ARSJ: variants seen among roughly 807,000 people sequenced by gnomAD.
ARSJ encodes arylsulfatase J.
Under a neutral mutation model 35.9 loss-of-function variants are expected in ARSJ, and 26 were observed. The observed-to-expected ratio is 0.72, with a 90% CI of 0.53 to 1.00. The LOEUF (loss-of-function observed/expected upper bound fraction) is 1.00, where lower values mean the gene tolerates loss of function less well. Ranked by LOEUF, ARSJ falls within the 50% of genes least tolerant of loss-of-function variation. ARSJ has a pLI of 0.00. For missense variants in ARSJ, 667 were observed against 723.6 expected, an observed-to-expected ratio of 0.92 and a Z score of 0.90; for synonymous variants, 294 against 267.6, an observed-to-expected ratio of 1.10 and a Z score of -0.96.
chr4:113,903,622 T>C lies in ARSJ; in HGVS notation c.452A>G (p.Asn151Ser), dbSNP rs1163389900. 2.5e-6 allele frequency: 4 copies of C among 1,614,110 alleles called. No homozygotes were observed. Among genetic ancestry groups the C allele is most frequent in the Middle Eastern group, 1.6e-4 (1 of 6,062 alleles). ...QHSIIRPTQP[N>S]CLPLDNATLP... The stretch of plus-strand genomic sequence containing the variant: ...GGTGGCATTGTCCAGAGGTAAACAG[T>C]TGGGTTGGGTAGGTCTTATGATAGA... Residue 151 changes from asparagine (N) to serine (S), a missense_variant, in exon 2 of 2, where the codon AAC becomes AGC. By Grantham distance (46) the Asn-to-Ser change is conservative. Coordinates refer to ENST00000315366, the MANE Select transcript of ARSJ (RefSeq NM_024590.4).
intron 1 of ARSJ, among the ~76,000 whole-genome samples, chr4:113,935,619 GAAATAAAGTTATCACTT>G (rs1724720244): frequency 6.6e-6 from 1 of 151,864 alleles, no homozygotes; most frequent in African/African-American, 2.4e-5. Flanking sequence ...CATGCATTCT[GAAATAAAGTTATCACTT>G]AAAAGGTCAT....
rs1594429497 is a variant in ARSJ at position 113,928,346 on chromosome 4, T to C, written c.399-24671A>G. Reference sequence around the variant, plus strand: ...GGTCCTTCCTCAAGAGGAACTGGCTTCCCCTTCATTCAAGGGGTTTGGGGT... The same window carrying C: ...GGTCCTTCCTCAAGAGGAACTGGCTCCCCCTTCATTCAAGGGGTTTGGGGT... On this transcript the variant is annotated intron_variant, in intron 1 of 1. Coordinates refer to ENST00000315366, the MANE Select transcript of ARSJ (RefSeq NM_024590.4). 3.3e-5 allele frequency among the ~76,000 whole-genome samples: 5 copies of C among 152,204 alleles called. No individual in the cohort carries two copies. The East Asian group carries it at 5.8e-4, about 18-fold the overall frequency.
chr4:113,945,193 A>T (rs184899917), intron 1 of ARSJ, among the ~76,000 whole-genome samples: 6 of 152,056 alleles, frequency 3.9e-5, no homozygotes, highest in Non-Finnish European at 7.4e-5. Flanking sequence ...CCCAGGCTGG[A>T]GTGCAATGGT....
intron 1 of ARSJ, among the ~76,000 whole-genome samples, chr4:113,926,363 C>T (rs762902538): frequency 2.0e-5 from 3 of 152,190 alleles, no homozygotes; most frequent in Non-Finnish European, 4.4e-5. Context: ...CAAATTTCTG[C>T]CCACTGGAAG....
rs149270529 is a variant in ARSJ, at chr4:113,966,285, T to C, written c.398+12152A>G. 5.1e-4 allele frequency among the ~76,000 whole-genome samples: 77 copies of C among 152,250 alleles called. 1 individual carries two copies. Among genetic ancestry groups the C allele is most frequent in the African/African-American group, 1.8e-3 (76 of 41,568 alleles). Reference sequence around the variant, plus strand: ...GTCAAGTAAATTGTGCACTTTGTTTTGGTTTATTTTTAGATAGAAGGAACT... The same window carrying C: ...GTCAAGTAAATTGTGCACTTTGTTTCGGTTTATTTTTAGATAGAAGGAACT... On this transcript the variant is annotated intron_variant, in intron 1 of 1. Coordinates refer to ENST00000315366, the MANE Select transcript of ARSJ (RefSeq NM_024590.4).
At chr4:113,976,887 G>A (rs1727624153) in intron 1 of ARSJ, among the ~76,000 whole-genome samples, 1 of 152,108 alleles carries the variant, frequency 6.6e-6, no homozygotes, top group Non-Finnish European at 1.5e-5. Flanking sequence ...AAACATAATG[G>A]TTAAAAGATA....
chr4:113,929,492 G>A (rs1013969660), intron 1 of ARSJ, among the ~76,000 whole-genome samples: 6 of 152,086 alleles, frequency 3.9e-5, no homozygotes, highest in Non-Finnish European at 8.8e-5. Context: ...GGCAACAAAG[G>A]TTCATCAGAG....
At position 113,968,233 on chromosome 4, in the gene ARSJ, A is replaced by G. The variant is rs553819686; in HGVS notation, c.398+10204T>C. 2.0e-5 allele frequency among the ~76,000 whole-genome samples: 3 copies of G among 152,340 alleles called. No homozygotes were observed. The East Asian group carries it at 5.8e-4, about 29-fold the overall frequency. Reference sequence around the variant, plus strand: ...GTTTAAGTTATATGGCTGATGTCACATAAGTTCTTTGCTTTTAATCACTGT... The same window carrying G: ...GTTTAAGTTATATGGCTGATGTCACGTAAGTTCTTTGCTTTTAATCACTGT... On this transcript the variant is annotated intron_variant, in intron 1 of 1. Transcript: ENST00000315366.
At chr4:113,912,180 G>A (rs1402242817) in intron 1 of ARSJ, among the ~76,000 whole-genome samples, 1 of 152,110 alleles carries the variant, frequency 6.6e-6, no homozygotes, top group Non-Finnish European at 1.5e-5. Context: ...AATGGAGAAG[G>A]CCATAGATGG....
At chr4:113,928,710 G>C (rs1049025902) in intron 1 of ARSJ, among the ~76,000 whole-genome samples, 1 of 152,150 alleles carries the variant, frequency 6.6e-6, no homozygotes, top group African/African-American at 2.4e-5. Flanking sequence ...TTATAGTTGA[G>C]TCACTGTGGT....
chr4:113,968,045 C>T (rs1410552370), intron 1 of ARSJ, among the ~76,000 whole-genome samples: 1 of 152,118 alleles, frequency 6.6e-6, no homozygotes, highest in African/African-American at 2.4e-5. Context: ...TAAAGTTTCC[C>T]AGCCTGGAGG....
At chr4:113,929,627 C>T (rs1724302040) in intron 1 of ARSJ, among the ~76,000 whole-genome samples, 1 of 152,136 alleles carries the variant, frequency 6.6e-6, no homozygotes, top group African/African-American at 2.4e-5. Flanking sequence ...TGAGGCTGTG[C>T]AGGCACCTTT....
chr4:113,922,766 A>G (rs1723765561), intron 1 of ARSJ, among the ~76,000 whole-genome samples: 1 of 152,178 alleles, frequency 6.6e-6, no homozygotes, highest in Admixed American at 6.5e-5. Flanking sequence ...TTTTCTTAGT[A>G]TAAGTCAGAT....
intron 1 of ARSJ, among the ~76,000 whole-genome samples, chr4:113,936,916 G>T (rs190104984): frequency 6.6e-6 from 1 of 151,848 alleles, no homozygotes; most frequent in East Asian, 1.9e-4. Flanking sequence ...TCACATCCTT[G>T]CTTTTAGTTG....
chr4:113,931,355 G>A (rs1405338775), intron 1 of ARSJ, among the ~76,000 whole-genome samples: 2 of 152,028 alleles, frequency 1.3e-5, no homozygotes, highest in African/African-American at 4.8e-5. Flanking sequence ...CCAAGATTAA[G>A]TGAAAAGAAG....
intron 1 of ARSJ, among the ~76,000 whole-genome samples, chr4:113,967,558 C>T (rs1203742698): frequency 1.3e-5 from 2 of 152,142 alleles, no homozygotes; most frequent in African/African-American, 4.8e-5. Flanking sequence ...TAAGGTTTCA[C>T]TTGAAGTGTG....
At chr4:113,921,117 A>ACT (rs1554114877) in intron 1 of ARSJ, among the ~76,000 whole-genome samples, 65,039 of 148,984 alleles carry the variant, frequency 0.44, 14,823 homozygotes, top group South Asian at 0.52. Context: ...ACACACACAC[A>ACT]CTTTAAATAA....
chr4:113,917,582 T>A (rs1255106630), intron 1 of ARSJ, among the ~76,000 whole-genome samples: 3 of 152,054 alleles, frequency 2.0e-5, no homozygotes, highest in African/African-American at 7.2e-5. Context: ...CACAATATAG[T>A]TAGAAGAATA....
intron 1 of ARSJ, among the ~76,000 whole-genome samples, chr4:113,966,713 T>A (rs1021594634): frequency 2.6e-5 from 4 of 152,308 alleles, no homozygotes; most frequent in Admixed American, 6.5e-5. Context: ...TTTAGATTTG[T>A]GGTTATGAAT....
Sources: allele counts gnomAD v4.1 joint callset (sites outside exome capture counted in the v4.1 genomes callset), GRCh38; gene constraint gnomAD v4.1.1; transcripts MANE v1.5; gene names NCBI Gene and HGNC (gene_info 2026-07-23, HGNC 2026-07-21).